Variants in GRK3 observed in about 807,000 individuals in gnomAD.
GRK3 encodes G protein-coupled receptor kinase 3, also known as adrenergic, beta, receptor kinase 2.
Under a neutral mutation model 95.7 loss-of-function variants are expected in GRK3, and 54 were observed. That is an observed-to-expected ratio of 0.56 (90% CI 0.45 to 0.71). GRK3 has a LOEUF of 0.71. GRK3 is among the 30% of genes least tolerant of loss of function. The pLI is 0.00. For missense variants in GRK3, 649 were observed against 851.2 expected, an observed-to-expected ratio of 0.76 and a Z score of 2.96; for synonymous variants, 281 against 290.8, an observed-to-expected ratio of 0.97 and a Z score of 0.34.
At chr22:25,608,087 T>A (rs1196479443) in intron 2 of GRK3, among the ~76,000 whole-genome samples, 5 of 152,206 alleles carry the variant, frequency 3.3e-5, no homozygotes, top group African/African-American at 1.2e-4. Context: ...GTGGTCGGTG[T>A]CAGTTTCTCA....
chr22:25,662,811 T>G (rs1450264141), intron 4 of GRK3, among the ~76,000 whole-genome samples: 1 of 152,216 alleles, frequency 6.6e-6, no homozygotes, highest in African/African-American at 2.4e-5. Context: ...ATTCGTATGA[T>G]GGTACTTTTA....
chr22:25,698,613 G>A (rs768491502), intron 13 of GRK3, among the ~76,000 whole-genome samples: 3 of 152,166 alleles, frequency 2.0e-5, no homozygotes, highest in Non-Finnish European at 4.4e-5. Flanking sequence ...TCAGATGGTT[G>A]GGTCAGCACT....
rs1340492026 is a variant in GRK3, at chr22:25,718,290, A to G, written c.1700A>G (p.Lys567Arg). The G allele has an allele frequency of 6.2e-7, 1 of 1,614,110 alleles. No individual in the cohort carries two copies. Among genetic ancestry groups the G allele is most frequent in the Admixed American group, 1.7e-5 (1 of 60,008 alleles). Reference sequence around the variant, plus strand: ...TGTATTATGCACGGGTACATGCTGAAACTGGGAAACCCATTTCTGACTCAG... The same window carrying G: ...TGTATTATGCACGGGTACATGCTGAGACTGGGAAACCCATTTCTGACTCAG... ...KDCIMHGYMLKLGNPFLTQWQ... is the reference protein window; with the variant it reads ...KDCIMHGYMLRLGNPFLTQWQ... Residue 567 changes from lysine (K) to arginine (R), a missense_variant, in exon 19 of 21, where the codon AAA becomes AGA. Transcript: ENST00000324198.
intron 2 of GRK3, among the ~76,000 whole-genome samples, chr22:25,632,891 T>C (rs2084673753): frequency 6.6e-6 from 1 of 152,128 alleles, no homozygotes; most frequent in African/African-American, 2.4e-5. Flanking sequence ...TGGATTACTG[T>C]ATCTTTATAA....
chr22:25,594,695 G>A (rs2084359642), intron 1 of GRK3, among the ~76,000 whole-genome samples: 1 of 152,042 alleles, frequency 6.6e-6, no homozygotes, highest in East Asian at 1.9e-4. Context: ...TGGCTAACAT[G>A]GTGAAACCCT....
intron 3 of GRK3, chr22:25,647,493 A>T: frequency 1.4e-6 from 2 of 1,403,178 alleles, no homozygotes; most frequent in Non-Finnish European, 2.0e-6. Context: ...CATCTTCCTC[A>T]TTCTCAGTGG....
At chr22:25,647,400 G>A in intron 3 of GRK3, 1 of 1,321,434 alleles carries the variant, frequency 7.6e-7, no homozygotes, top group African/African-American at 1.4e-5. Context: ...TTCAGCAAAG[G>A]GAACAGCAGT....
chr22:25,679,188 T>G (rs2085055675), intron 9 of GRK3, among the ~76,000 whole-genome samples: 1 of 152,196 alleles, frequency 6.6e-6, no homozygotes, highest in Admixed American at 6.5e-5. Flanking sequence ...AAAATAATGA[T>G]AGCCAGAAAA....
chr22:25,640,819 A>G lies in GRK3; in HGVS notation c.191-3773A>G, dbSNP rs6004728. Among the ~76,000 whole-genome samples the G allele has an allele frequency of 4.9e-3, 744 of 152,358 alleles. 4 individuals are homozygous for G. The highest frequency in any genetic ancestry group is 0.017 in the African/African-American group (711 of 41,594). Reference sequence around the variant, plus strand: ...TTCAGCATTTTGCAGTGGTTCAAATATAGCAACAAAGTAAACACATTTCAC... The same window carrying G: ...TTCAGCATTTTGCAGTGGTTCAAATGTAGCAACAAAGTAAACACATTTCAC... On this transcript the variant is annotated intron_variant, in intron 2 of 20. Transcript: ENST00000324198.
chr22:25,581,678 G>A (rs1297723033), intron 1 of GRK3, among the ~76,000 whole-genome samples: 1 of 152,106 alleles, frequency 6.6e-6, no homozygotes, highest in Non-Finnish European at 1.5e-5. Flanking sequence ...CTATTGAAAG[G>A]AGAAAGCACA....
intron 2 of GRK3, 43 bp from the exon 3 acceptor site, chr22:25,644,549 C>A: frequency 1.0e-6 from 1 of 986,682 alleles, no homozygotes. Flanking sequence ...GATAAAATTT[C>A]AATTAATTGC....
chr22:25,725,772 C>A lies in GRK3; in HGVS notation c.*3322C>A, dbSNP rs559987077. On this transcript the variant is annotated 3_prime_UTR_variant, in exon 21 of 21. Coordinates refer to ENST00000324198, the MANE Select transcript of GRK3 (RefSeq NM_005160.4). ...CCATCCTGGTTAGCAGAGTGAAACC[C>A]CGTCTCTACTAAAAATACAAATAAA... 3 of 394,118 alleles carry A rather than the reference C, an allele frequency of 7.6e-6. No individual in the cohort carries two copies. The allele number at this position is 394,118 out of a possible 1,614,324, so 24.4% of individuals were successfully genotyped here.
At chr22:25,600,339 CA>C (rs2084401113) in intron 1 of GRK3, among the ~76,000 whole-genome samples, 1 of 152,036 alleles carries the variant, frequency 6.6e-6, no homozygotes, top group Non-Finnish European at 1.5e-5. Context: ...AGGGTTTCAC[CA>C]TGTTGTCCAT....
intron 6 of GRK3, among the ~76,000 whole-genome samples, chr22:25,668,063 T>A (rs1569186120): frequency 6.6e-6 from 1 of 152,228 alleles, no homozygotes; most frequent in Non-Finnish European, 1.5e-5. Context: ...ACCTCAATTT[T>A]AAAAAGTATC....
intron 5 of GRK3, among the ~76,000 whole-genome samples, chr22:25,663,965 G>C (rs1218086162): frequency 6.6e-6 from 1 of 152,218 alleles, no homozygotes; most frequent in Non-Finnish European, 1.5e-5. Flanking sequence ...CTAGAAATCA[G>C]TCAAGATAAG....
At chr22:25,665,826 C>T (rs888420241) in intron 5 of GRK3, among the ~76,000 whole-genome samples, 2 of 152,122 alleles carry the variant, frequency 1.3e-5, no homozygotes, top group African/African-American at 2.4e-5. Context: ...AAAGTAAATA[C>T]GAATGCTTTT....
chr22:25,690,100 G>T (rs1362606245), intron 11 of GRK3, 89 bp from the exon 12 acceptor site: 5 of 858,206 alleles, frequency 5.8e-6, no homozygotes, highest in Non-Finnish European at 7.5e-6. Context: ...TGATAAAATA[G>T]TGAGATATCA....
intron 2 of GRK3, among the ~76,000 whole-genome samples, chr22:25,621,261 C>T (rs1474580288): frequency 6.6e-6 from 1 of 152,192 alleles, no homozygotes; most frequent in African/African-American, 2.4e-5. Context: ...ATAGAATTCC[C>T]CTTTGGGGGT....
intron 13 of GRK3, among the ~76,000 whole-genome samples, chr22:25,695,586 A>G (rs2085200990): frequency 6.6e-6 from 1 of 152,242 alleles, no homozygotes; most frequent in South Asian, 2.1e-4. Flanking sequence ...ATTATTCATC[A>G]TCTTGAGGGT....
Sources: gnomAD v4.1 joint callset for allele counts (sites outside exome capture counted in the v4.1 genomes callset) on GRCh38, gnomAD v4.1.1 for gene constraint, MANE v1.5 for transcripts, NCBI Gene and HGNC (gene_info 2026-07-23, HGNC 2026-07-21) for gene names.